The following EFCAB5 variants were observed in gnomAD, a reference collection of about 807,000 sequenced individuals.
EFCAB5 encodes EF-hand calcium binding domain 5.
In EFCAB5, 131 loss-of-function variants were observed where a neutral mutation model predicts 167.9. That is an observed-to-expected ratio of 0.78 (90% confidence interval 0.68 to 0.90). The LOEUF is 0.90. Ranked by LOEUF, EFCAB5 falls within the 40% of genes least tolerant of loss-of-function variation. The pLI is 0.00. For synonymous variants in EFCAB5, 574 were observed against 602.8 expected (o/e 0.95, Z 0.70); for missense variants, 1,663 against 1,745.2 (o/e 0.95, Z 0.84).
intron 6 of EFCAB5, among the ~76,000 whole-genome samples, chr17:29,997,884 C>T (rs1034961584): frequency 2.0e-5 from 3 of 150,466 alleles, no homozygotes; most frequent in African/African-American, 7.4e-5. Context: ...TGGAGAGTCA[C>T]AGATTTTGGT....
Position 30,080,186 on chromosome 17 carries a change from G to T in EFCAB5, c.3142G>T (p.Asp1048Tyr). 6.2e-7 allele frequency: 1 copy of T among 1,613,624 alleles called. No homozygotes were observed. Among genetic ancestry groups the T allele is most frequent in the Non-Finnish European group, 8.5e-7 (1 of 1,179,742 alleles). Residue 1048 changes from aspartate to tyrosine, a missense_variant, in exon 16 of 23, where the codon GAT becomes TAT. By Grantham distance (160) the Asp-to-Tyr change is radical (BLOSUM62 -3). Coordinates refer to ENST00000394835, the MANE Select transcript of EFCAB5 (RefSeq NM_198529.4). ...ATTGAGGAATGTGGCTTGTACCTTA[G>T]ATGATGCTCAATTTGTACTGAACAG... is the stretch of plus-strand genomic sequence containing the variant. ...VLLRNVACTL[D>Y]DAQFVLNRVL... is the part of the protein sequence containing the mutation.
At chr17:29,994,167 T>TATATATATATATATATATAC (rs1411208091) in intron 5 of EFCAB5, among the ~76,000 whole-genome samples, 5 of 132,228 alleles carry the variant, frequency 3.8e-5, no homozygotes, top group Non-Finnish European at 8.1e-5. Context: ...TATATATATA[T>TATATATATATATATATATAC]ATATATATAT....
At chr17:30,014,746 C>G (rs2068991296) in intron 7 of EFCAB5, among the ~76,000 whole-genome samples, 1 of 151,848 alleles carries the variant, frequency 6.6e-6, no homozygotes, top group Admixed American at 6.6e-5. Context: ...GGCCTTGACT[C>G]TATCCAATTT....
chr17:29,932,791 GT>G (rs1228490202), intron 1 of EFCAB5, among the ~76,000 whole-genome samples: 20 of 152,026 alleles, frequency 1.3e-4, no homozygotes, highest in Admixed American at 7.9e-4. Context: ...AAGTAGATTA[GT>G]GGTCAAGACA....
chr17:30,012,216 G>C (rs111781245), intron 7 of EFCAB5, among the ~76,000 whole-genome samples: 11,672 of 152,158 alleles, frequency 0.077, 929 homozygotes, highest in African/African-American at 0.21. Flanking sequence ...GGGAAAGGGA[G>C]TCTCCCTTTC....
Position 29,996,308 on chromosome 17 carries a change from G to T in EFCAB5, c.925-4G>T. 1 of 1,549,308 alleles carries T rather than the reference G, an allele frequency of 6.5e-7. No individual in the cohort carries two copies. The highest frequency in any genetic ancestry group is 8.7e-7 in the Non-Finnish European group (1 of 1,146,094). ...CTTTCTTTTTTTCCTCTTTTGAGTT[G>T]CAGATTCAGAATGTTCTTCAAGAAT... On this transcript the variant is annotated splice_polypyrimidine_tract_variant and splice_region_variant and intron_variant, in intron 5 of 22. Coordinates refer to ENST00000394835, the MANE Select transcript of EFCAB5 (RefSeq NM_198529.4).
intron 3 of EFCAB5, among the ~76,000 whole-genome samples, chr17:29,947,469 A>G (rs1471759278): frequency 6.6e-6 from 1 of 152,196 alleles, no homozygotes; most frequent in Non-Finnish European, 1.5e-5. Flanking sequence ...ATTGGGTACA[A>G]TGTATACTAC....
chr17:29,989,480 G>A (rs776083755), intron 4 of EFCAB5, among the ~76,000 whole-genome samples: 1 of 152,192 alleles, frequency 6.6e-6, no homozygotes, highest in Admixed American at 6.5e-5. Flanking sequence ...CACAGGAATT[G>A]TAAATGGAAA....
chr17:30,043,738 G>T (rs1302485622), intron 8 of EFCAB5, among the ~76,000 whole-genome samples: 2 of 152,080 alleles, frequency 1.3e-5, no homozygotes, highest in African/African-American at 2.4e-5. Context: ...TAATAAGAAA[G>T]ATCCTTTATT....
At chr17:29,975,262 ATT>A (rs947245726) in intron 4 of EFCAB5, among the ~76,000 whole-genome samples, 1 of 142,986 alleles carries the variant, frequency 7.0e-6, no homozygotes. Context: ...ACCTACACTA[ATT>A]TTTTTTTTTT....
intron 22 of EFCAB5, among the ~76,000 whole-genome samples, chr17:30,098,162 T>C (rs1196345983): frequency 6.6e-6 from 1 of 151,932 alleles, no homozygotes; most frequent in Non-Finnish European, 1.5e-5. Flanking sequence ...CTTGAACTCC[T>C]GACCTCAAGG....
intron 1 of EFCAB5, among the ~76,000 whole-genome samples, chr17:29,932,534 C>T (rs1304367517): frequency 7.0e-6 from 1 of 143,792 alleles, no homozygotes; most frequent in Non-Finnish European, 1.5e-5. Flanking sequence ...CAGCTCACTG[C>T]AACCTCCACC....
intron 1 of EFCAB5, among the ~76,000 whole-genome samples, chr17:29,934,678 A>G (rs935126302): frequency 6.6e-6 from 1 of 152,096 alleles, no homozygotes; most frequent in Non-Finnish European, 1.5e-5. Context: ...GTGTACTACA[A>G]TTGTCTTGTG....
intron 4 of EFCAB5, among the ~76,000 whole-genome samples, chr17:29,973,427 A>G (rs959461197): frequency 1.3e-5 from 2 of 151,820 alleles, no homozygotes; most frequent in African/African-American, 4.8e-5. Flanking sequence ...ACAGTTGCAT[A>G]TTAATGTTTC....
intron 1 of EFCAB5, among the ~76,000 whole-genome samples, chr17:29,936,339 G>A (rs1304744685): frequency 1.3e-5 from 2 of 152,142 alleles, no homozygotes; most frequent in Non-Finnish European, 2.9e-5. Context: ...ATAGCATTAG[G>A]AGATATACCT....
At chr17:30,073,918 AG>A (rs1382594853) in intron 14 of EFCAB5, 5 of 269,168 alleles carry the variant, frequency 1.9e-5, no homozygotes, top group African/African-American at 6.6e-5. Context: ...TAAAAGATAT[AG>A]AACAAAAAAA....
intron 8 of EFCAB5, among the ~76,000 whole-genome samples, 187 bp from the exon 9 acceptor site, chr17:30,050,931 G>A (rs1434745616): frequency 6.6e-6 from 1 of 152,136 alleles, no homozygotes; most frequent in Non-Finnish European, 1.5e-5. Flanking sequence ...GTCACAGAAT[G>A]GGAAAGTAGA....
intron 8 of EFCAB5, among the ~76,000 whole-genome samples, chr17:30,046,136 A>G (rs941486124): frequency 2.6e-5 from 4 of 152,246 alleles, no homozygotes; most frequent in Non-Finnish European, 5.9e-5. Flanking sequence ...AAGAAATAGT[A>G]AGGGAGCCTT....
chr17:29,984,928 G>C (rs2068249994), intron 4 of EFCAB5, among the ~76,000 whole-genome samples: 1 of 152,092 alleles, frequency 6.6e-6, no homozygotes, highest in South Asian at 2.1e-4. Flanking sequence ...TGGTTCATCA[G>C]ATGTATCCAA....
Sources: allele counts gnomAD v4.1 joint callset (sites outside exome capture counted in the v4.1 genomes callset), GRCh38; gene constraint gnomAD v4.1.1; transcripts MANE v1.5; gene names NCBI Gene and HGNC (gene_info 2026-07-23, HGNC 2026-07-21).